PCSK1N: variants seen among roughly 807,000 people sequenced by gnomAD.
PCSK1N encodes the protein proprotein convertase subtilisin/kexin type 1 inhibitor.
PCSK1N carries 8 observed loss-of-function variants against 10.6 expected under a neutral mutation model. That is an observed-to-expected ratio of 0.76 (90% CI 0.44 to 1.37). The LOEUF (loss-of-function observed/expected upper bound fraction) is 1.37. Ranked by LOEUF, PCSK1N falls within the 40% of genes most tolerant of loss-of-function variation. The pLI, the probability that PCSK1N is intolerant of heterozygous loss-of-function variation, is 0.00. For synonymous variants in PCSK1N, 143 were observed against 137.1 expected (o/e 1.04, Z -0.30); for missense variants, 301 against 268.5 (o/e 1.12, Z -0.84).
At chrX:48,831,537 G>A (rs1557033411) in intron 2 of PCSK1N, 82 bp from the exon 3 acceptor site, 1 of 776,121 alleles carries the variant, frequency 1.3e-6, no homozygotes, top group Non-Finnish European at 1.7e-6. Flanking sequence ...CAGAACGCAG[G>A]ATCCACAACC....
In PCSK1N at chrX:48,835,415, G is replaced by A; in HGVS notation, c.114+4C>T. 1.1e-6 allele frequency: 1 copy of A among 880,399 alleles called. No homozygotes were observed. The allele number at this position is 880,399 out of a possible 1,213,427, so 72.6% of individuals were successfully genotyped here. On this transcript the variant is annotated splice_donor_region_variant and intron_variant, in intron 1 of 2. Coordinates refer to ENST00000218230, the MANE Select transcript of PCSK1N (RefSeq NM_013271.5). ...CCCCACCCCTCGCCGGACTGGGGTC[G>A]CACCTTTACCGGCCGCGCGCAGAGC...
rs1557033553 is a variant in PCSK1N, at chrX:48,832,114, G to A, written c.342C>T (p.Gly114=). ...GAGCCGGATCAGAGTTGCGGGGGGC[G>A]CCCCAGACGCGCAGCAGCTGCGCCA... ...RVLAQLLRVW[G]APRNSDPALG... The change falls in exon 2 of 3, where the codon GGC becomes GGT. Residue 114 remains glycine (G), a synonymous_variant. Transcript: ENST00000218230. 1 of 1,121,584 alleles carries A rather than the reference G, an allele frequency of 8.9e-7. No homozygotes were observed. Among genetic ancestry groups the A allele is most frequent in the Non-Finnish European group, 1.2e-6 (1 of 858,908 alleles). The allele number at this position is 1,121,584 out of a possible 1,213,427, so 92.4% of individuals were successfully genotyped here.
Position 48,831,307 on chromosome X carries a change from C to G in PCSK1N, c.736G>C (p.Glu246Gln), listed in dbSNP as rs782736181. The G allele has an allele frequency of 1.5e-4, 176 of 1,177,351 alleles. 1 individual carries two copies. The highest frequency in any genetic ancestry group is 1.4e-4 in the Non-Finnish European group (125 of 880,205). Residue 246 changes from glutamate (E) to glutamine (Q), a missense_variant, in exon 3 of 3, where the codon GAG (glutamate) becomes CAG (glutamine). Transcript: ENST00000218230. ...GCAGGCACCTGGGGCGCCGGGGTCTCTAGGCGTTTCACACGCAGCAGCGCC... is the reference window on the plus strand; with the variant it reads ...GCAGGCACCTGGGGCGCCGGGGTCTGTAGGCGTTTCACACGCAGCAGCGCC... ...LGALLRVKRL[E>Q]TPAPQVPARR...
chrX:48,833,663 T>C (rs2063179306), intron 1 of PCSK1N, among the ~76,000 whole-genome samples: 1 of 111,484 alleles, frequency 9.0e-6, no homozygotes, highest in Non-Finnish European at 1.9e-5. Context: ...CTTTGGCACA[T>C]ACGCTACTGG....
At chrX:48,834,433 G>T in intron 1 of PCSK1N, 1 of 296,591 alleles carries the variant, frequency 3.4e-6, no homozygotes, top group Non-Finnish European at 4.5e-6. Context: ...AGCAATCACA[G>T]CCTCACACAC....
chrX:48,831,505 C>G, intron 2 of PCSK1N, 50 bp from the exon 3 acceptor site: 1 of 922,726 alleles, frequency 1.1e-6, no homozygotes, highest in South Asian at 2.8e-5. Flanking sequence ...GTGGGGCGTT[C>G]CCCCGCCCCA....
In PCSK1N at chrX:48,832,071, G is replaced by A; in HGVS notation, c.385C>T (p.Pro129Ser). 8 of 1,119,690 alleles carry A rather than the reference G, an allele frequency of 7.1e-6. No homozygotes were observed. Among genetic ancestry groups the A allele is most frequent in the Non-Finnish European group, 9.3e-6 (8 of 858,035 alleles). The allele number at this position is 1,119,690 out of a possible 1,213,427, so 92.3% of individuals were successfully genotyped here. A position where few individuals can be genotyped will look rare whatever the true frequency, so the allele number is the denominator to read the frequency against. The change falls in exon 2 of 3, where the codon CCC (proline) becomes TCC (serine). Residue 129 changes from proline to serine, a missense_variant. Coordinates refer to ENST00000218230, the MANE Select transcript of PCSK1N (RefSeq NM_013271.5). Reference protein sequence around the residue: ...SDPALGLDDDPDAPAAQLARA... With the variant: ...SDPALGLDDDSDAPAAQLARA... ...GCGAGCTGCGCTGCAGGCGCGTCGGGGTCGTCGTCCAGGCCCAGAGCCGGA... is the reference window on the plus strand; with the variant it reads ...GCGAGCTGCGCTGCAGGCGCGTCGGAGTCGTCGTCCAGGCCCAGAGCCGGA...
In PCSK1N at chrX:48,831,193, A is replaced by G; in HGVS notation, c.*67T>C. ...AGTTGCTCTGGACGTGCTGGCGGGG[A>G]GCAGTCCTGGTGGCGGGATGGCGGG... On this transcript the variant is annotated 3_prime_UTR_variant, in exon 3 of 3. Coordinates refer to ENST00000218230, the MANE Select transcript of PCSK1N (RefSeq NM_013271.5). The G allele has an allele frequency of 1.1e-6, 1 of 935,004 alleles. No individual in the cohort carries two copies. Among genetic ancestry groups the G allele is most frequent in the South Asian group, 2.5e-5 (1 of 40,488 alleles). The allele number at this position is 935,004 out of a possible 1,213,427, so 77.1% of individuals were successfully genotyped here.
intron 1 of PCSK1N, among the ~76,000 whole-genome samples, chrX:48,833,226 C>G (rs1557033769): frequency 9.0e-6 from 1 of 110,988 alleles, no homozygotes; most frequent in East Asian, 2.8e-4. Context: ...AAAAATAAAA[C>G]CAAAAAAAAT....
At position 48,831,576 on chromosome X, in the gene PCSK1N, C is replaced by T. The variant is rs2063172810; in HGVS notation, c.588-121G>A. 9.2e-6 allele frequency: 5 copies of T among 543,058 alleles called. No individual in the cohort carries two copies. In the South Asian group the frequency reaches 1.3e-4, roughly 15 times the overall value. The allele number at this position is 543,058 out of a possible 1,213,427, so 44.8% of individuals were successfully genotyped here. On this transcript the variant is annotated intron_variant, in intron 2 of 2. Transcript: ENST00000218230. ...TACTGCCTGGGGACACGGTTCCCTC[C>T]CCAAGAAGGCGTCCTCAGCCCACTG...
At chrX:48,834,820 C>CGG (rs2063182269) in intron 1 of PCSK1N, 1 of 92,257 alleles carries the variant, frequency 1.1e-5, no homozygotes, top group Non-Finnish European at 2.1e-5. Context: ...CACACACACA[C>CGG]AGAGAGAGAG....
intron 1 of PCSK1N, among the ~76,000 whole-genome samples, chrX:48,833,612 T>A (rs1425299852): frequency 9.0e-6 from 1 of 111,381 alleles, no homozygotes; most frequent in Non-Finnish European, 1.9e-5. Context: ...AAGATGCACA[T>A]ATCCTATGAC....
intron 1 of PCSK1N, among the ~76,000 whole-genome samples, chrX:48,833,241 G>A (rs1249368837): frequency 1.8e-5 from 2 of 111,582 alleles, no homozygotes; most frequent in Non-Finnish European, 3.8e-5. Context: ...AAAAATGAGC[G>A]GGGCACAAGC....
chrX:48,834,336 G>C (rs1285739187), intron 1 of PCSK1N, among the ~76,000 whole-genome samples: 2 of 111,058 alleles, frequency 1.8e-5, no homozygotes, highest in Non-Finnish European at 3.8e-5. Context: ...GATGCAGACA[G>C]TATTGAAGAG....
rs1336886395 is a variant in PCSK1N, at chrX:48,835,604, A to AGGCTGCGGCGCTCTGC, written c.-73_-72insGCAGAGCGCCGCAGCC. 3 of 374,985 alleles carry AGGCTGCGGCGCTCTGC rather than the reference A, an allele frequency of 8.0e-6. No individual in the cohort carries two copies. In the East Asian group the frequency reaches 2.1e-4, roughly 26 times the overall value. 30.9% of individuals were successfully genotyped at this position (374,985 alleles called of 1,213,427 possible). ...TGCGCAGTGCCGGGGCGAGCTGGCG[A>AGGCTGCGGCGCTCTGC]GGCTGCGGCGCTCTGCGGCTGCGCA... is the stretch of plus-strand genomic sequence containing the variant. On this transcript the variant is annotated 5_prime_UTR_variant, in exon 1 of 3. Transcript: ENST00000218230.
Position 48,831,316 on chromosome X carries a change from TCA to T in PCSK1N, c.725_726del (p.Val242GlufsTer69). 1 of 1,176,628 alleles carries T rather than the reference TCA, an allele frequency of 8.5e-7. No homozygotes were observed. On this transcript the variant is annotated frameshift_variant, in exon 3 of 3. Transcript: ENST00000218230. LOFTEE classifies it high-confidence loss of function. ...TGGGGCGCCGGGGTCTCTAGGCGTT[TCA>T]CACGCAGCAGCGCCCCCAGCACGCC... is the stretch of plus-strand genomic sequence containing the variant. ...PEGVLGALLR[V>X]KRLETPAPQV...
At position 48,832,176 on chromosome X, in the gene PCSK1N, C is replaced by G. The variant is rs1372279824; in HGVS notation, c.280G>C (p.Glu94Gln). The change falls in exon 2 of 3, where the codon GAG becomes CAG. Residue 94 changes from glutamate to glutamine, a missense_variant. By Grantham distance (29) the Glu-to-Gln change is conservative. Transcript: ENST00000218230. Reference protein sequence around the residue: ...EAERQERARAEAQEAEDQQAR... With the variant: ...EAERQERARAQAQEAEDQQAR... ...TGCTGATCCTCAGCCTCCTGCGCCTCGGCCCGCGCCCGCTCCTGACGTTCG... is the reference window on the plus strand; with the variant it reads ...TGCTGATCCTCAGCCTCCTGCGCCTGGGCCCGCGCCCGCTCCTGACGTTCG... 3 of 1,152,296 alleles carry G rather than the reference C, an allele frequency of 2.6e-6. No homozygotes were observed. Among genetic ancestry groups the G allele is most frequent in the Non-Finnish European group, 3.4e-6 (3 of 873,067 alleles). 95.0% of individuals were successfully genotyped at this position (1,152,296 alleles called of 1,213,427 possible). A position where few individuals can be genotyped will look rare whatever the true frequency, so the allele number is the denominator to read the frequency against.
intron 2 of PCSK1N, 69 bp from the exon 3 acceptor site, chrX:48,831,524 G>A (rs1169771234): frequency 1.2e-6 from 1 of 865,540 alleles, no homozygotes; most frequent in Non-Finnish European, 1.5e-6. Context: ...CACGCTCGGG[G>A]CCCAGAACGC....
Position 48,835,445 on chromosome X carries a change from G to A in PCSK1N, c.88C>T (p.Pro30Ser), listed in dbSNP as rs1557034026. 5.2e-6 allele frequency: 5 copies of A among 959,387 alleles called. No homozygotes were observed. Among genetic ancestry groups the A allele is most frequent in the Non-Finnish European group, 6.5e-6 (5 of 764,477 alleles). 79.1% of individuals were successfully genotyped at this position (959,387 alleles called of 1,213,427 possible). ...TTTACCGGCCGCGCGCAGAGCGCGG[G>A]GGGCGGCCGAAACAGGCCGAGCAGC... ...LLLLGLFRPP[P>S]ALCARPVKEP... Residue 30 changes from proline to serine, a missense_variant, in exon 1 of 3, where the codon CCC (proline) becomes TCC (serine). Transcript: ENST00000218230.
Sources: allele counts gnomAD v4.1 joint callset (sites outside exome capture counted in the v4.1 genomes callset), GRCh38; gene constraint gnomAD v4.1.1; transcripts MANE v1.5; gene names NCBI Gene and HGNC (gene_info 2026-07-23, HGNC 2026-07-21).